Variants in TAS2R1 observed in about 807,000 individuals in gnomAD.
TAS2R1 encodes the protein taste 2 receptor member 1, also known as taste receptor type 2 member 1.
For missense variants in TAS2R1, 370 were observed against 353.4 expected, an observed-to-expected ratio of 1.05 and a Z score of -0.38; for synonymous variants, 141 against 134.2, an observed-to-expected ratio of 1.05 and a Z score of -0.35.
the TAS2R1 span, among the ~76,000 whole-genome samples, chr5:9,845,774 A>G: frequency 6.6e-6 from 1 of 152,258 alleles, no homozygotes; most frequent in African/African-American, 2.4e-5. Flanking sequence ...CGCCAAATGC[A>G]ATGGATTATT....
Position 9,693,723 on chromosome 5 carries a change from CT to C in TAS2R1, c.-242+18448del, listed in dbSNP as rs377034478. Among the ~76,000 whole-genome samples the C allele has an allele frequency of 2.2e-3, 341 of 152,090 alleles. 1 individual carries two copies. The highest frequency in any genetic ancestry group is 7.8e-3 in the African/African-American group (323 of 41,490). On this transcript the variant is annotated intron_variant, in intron 1 of 2. Transcript: ENST00000506620. ...TTGTCCAGTAATAATACCATGATCT[CT>C]GTCTTGATGCTTTCTGTCCCCAGAG... is the stretch of plus-strand genomic sequence containing the variant.
chr5:9,682,460 C>A (rs968348184), intron 1 of TAS2R1, among the ~76,000 whole-genome samples: 45 of 152,152 alleles, frequency 3.0e-4, no homozygotes, highest in African/African-American at 1.0e-3. Flanking sequence ...AAGAGAAGTG[C>A]CTTTCACCCT....
upstream of TAS2R1, among the ~76,000 whole-genome samples, chr5:9,712,756 CATTT>C (rs1008903052): frequency 1.2e-4 from 18 of 152,194 alleles, no homozygotes; most frequent in African/African-American, 4.3e-4. Flanking sequence ...CTCCTTCCTC[CATTT>C]ATTACACACA....
At chr5:9,701,501 G>A (rs971478580) in intron 1 of TAS2R1, among the ~76,000 whole-genome samples, 3 of 152,076 alleles carry the variant, frequency 2.0e-5, no homozygotes, top group African/African-American at 4.8e-5. Context: ...GATATTGCAC[G>A]TGCTTATAAC....
At chr5:9,720,147 A>G in the TAS2R1 span, among the ~76,000 whole-genome samples, 3 of 152,118 alleles carry the variant, frequency 2.0e-5, no homozygotes, top group Non-Finnish European at 4.4e-5. Flanking sequence ...CAAACTGGAG[A>G]GGCAGTTAAA....
chr5:9,875,117 G>C, the TAS2R1 span, among the ~76,000 whole-genome samples: 1 of 152,174 alleles, frequency 6.6e-6, no homozygotes, highest in African/African-American at 2.4e-5. Flanking sequence ...ATGGAAGAGA[G>C]AGGAATTCTC....
At chr5:9,853,828 G>A in the TAS2R1 span, among the ~76,000 whole-genome samples, 1 of 152,104 alleles carries the variant, frequency 6.6e-6, no homozygotes, top group East Asian at 1.9e-4. Context: ...ACAAGAAAAG[G>A]CACATTTGAG....
chr5:9,701,239 C>G (rs1275261272), intron 1 of TAS2R1, among the ~76,000 whole-genome samples: 2 of 96,902 alleles, frequency 2.1e-5, no homozygotes, highest in African/African-American at 6.5e-5. Context: ...CACACACACA[C>G]ACACACACAC....
At chr5:9,630,647 C>T (rs1410677865), upstream of TAS2R1, among the ~76,000 whole-genome samples, 1 of 152,064 alleles carries the variant, frequency 6.6e-6, no homozygotes, top group Non-Finnish European at 1.5e-5. Context: ...ATTAGGCTTG[C>T]ACATACATGT....
chr5:9,694,184 T>C (rs1332806384), intron 1 of TAS2R1, among the ~76,000 whole-genome samples: 1 of 152,148 alleles, frequency 6.6e-6, no homozygotes, highest in Admixed American at 6.6e-5. Flanking sequence ...CTTTTAAGTG[T>C]AGCATCAAAA....
the TAS2R1 span, among the ~76,000 whole-genome samples, chr5:9,717,916 TA>T: frequency 6.6e-6 from 1 of 152,296 alleles, no homozygotes; most frequent in Admixed American, 6.5e-5. Context: ...ATTAAAATTT[TA>T]AAAAAGGTTG....
At chr5:9,818,368 C>A in the TAS2R1 span, among the ~76,000 whole-genome samples, 1 of 152,224 alleles carries the variant, frequency 6.6e-6, no homozygotes, top group Non-Finnish European at 1.5e-5. Context: ...TGTGGTCACC[C>A]CAAGATTTTC....
At chr5:9,820,268 GA>G in the TAS2R1 span, among the ~76,000 whole-genome samples, 1 of 152,162 alleles carries the variant, frequency 6.6e-6, no homozygotes, top group Non-Finnish European at 1.5e-5. Flanking sequence ...ATAGGGGGCT[GA>G]AATTTCTGTG....
chr5:9,822,044 TGTCA>T, the TAS2R1 span, among the ~76,000 whole-genome samples: 1 of 152,218 alleles, frequency 6.6e-6, no homozygotes, highest in Non-Finnish European at 1.5e-5. Context: ...CTGCTCTTGC[TGTCA>T]GTAACACCTG....
chr5:9,837,766 AC>A, the TAS2R1 span, among the ~76,000 whole-genome samples: 1 of 151,994 alleles, frequency 6.6e-6, no homozygotes, highest in South Asian at 2.1e-4. Flanking sequence ...CAAAACAAAA[AC>A]CCCTGCCTCG....
the TAS2R1 span, among the ~76,000 whole-genome samples, chr5:9,805,565 C>T: frequency 1.3e-5 from 2 of 152,078 alleles, no homozygotes; most frequent in Admixed American, 6.5e-5. Flanking sequence ...AAGTGGGTCT[C>T]ACACCAGAAA....
the TAS2R1 span, among the ~76,000 whole-genome samples, chr5:9,879,150 A>G: frequency 6.6e-6 from 1 of 152,268 alleles, no homozygotes; most frequent in African/African-American, 2.4e-5. Flanking sequence ...CAAGGCAAAT[A>G]TTTTAATGCA....
the TAS2R1 span, among the ~76,000 whole-genome samples, chr5:9,789,770 C>T: frequency 6.6e-6 from 1 of 152,218 alleles, no homozygotes; most frequent in African/African-American, 2.4e-5. Flanking sequence ...TTTGTGTCCA[C>T]CTACTTCTTT....
the TAS2R1 span, among the ~76,000 whole-genome samples, chr5:9,732,208 G>C: frequency 6.6e-6 from 1 of 152,304 alleles, no homozygotes; most frequent in East Asian, 1.9e-4. Context: ...GAAGCAGCAA[G>C]AGCCAAGGCC....
Sources: allele counts gnomAD v4.1 joint callset (sites outside exome capture counted in the v4.1 genomes callset), GRCh38; gene constraint gnomAD v4.1.1; transcripts MANE v1.5; gene names NCBI Gene and HGNC (gene_info 2026-07-23, HGNC 2026-07-21).